The following NETO2 variants were observed in gnomAD, a reference collection of about 807,000 sequenced individuals.
The protein encoded by NETO2 is neuropilin and tolloid-like protein 2.
A neutral mutation model predicts 62.5 loss-of-function variants in NETO2; 28 were observed. The observed-to-expected ratio is 0.45, with a 90% CI of 0.33 to 0.61. The LOEUF is 0.61. Ranked by LOEUF, NETO2 falls within the 20% of genes least tolerant of loss-of-function variation. The pLI is 0.02. For synonymous variants in NETO2, 214 were observed against 219.1 expected, an observed-to-expected ratio of 0.98 and a Z score of 0.21; for missense variants, 548 against 643.2, an observed-to-expected ratio of 0.85 and a Z score of 1.60.
Position 47,143,670 on chromosome 16 carries a change from C to A in NETO2, c.-58G>T. On this transcript the variant is annotated 5_prime_UTR_variant, in exon 1 of 9. Coordinates refer to ENST00000562435, the MANE Select transcript of NETO2 (RefSeq NM_018092.5). The stretch of plus-strand genomic sequence containing the variant: ...TGAGGTAGCGGCGGCGGTGGCTCGG[C>A]GCTCACGGCTCGGCGCGGCGGCGAC... 2 of 1,217,044 alleles carry A rather than the reference C, an allele frequency of 1.6e-6. No homozygotes were observed. The highest frequency in any genetic ancestry group is 4.1e-5 in the South Asian group (1 of 24,242). 75.4% of individuals were successfully genotyped at this position (1,217,044 alleles called of 1,614,324 possible). A position where few individuals can be genotyped will look rare whatever the true frequency, so the allele number is the denominator to read the frequency against.
At chr16:47,134,521 T>C (rs1964331108) in intron 1 of NETO2, among the ~76,000 whole-genome samples, 1 of 152,206 alleles carries the variant, frequency 6.6e-6, no homozygotes, top group South Asian at 2.1e-4. Context: ...AACCCAACCA[T>C]TTGTGTCAAT....
At chr16:47,103,734 A>G (rs1037904284) in intron 7 of NETO2, among the ~76,000 whole-genome samples, 1 of 152,344 alleles carries the variant, frequency 6.6e-6, no homozygotes, top group East Asian at 1.9e-4. Flanking sequence ...TCAATATACA[A>G]AAGTCCACCA....
At chr16:47,119,574 TTC>T (rs986367926) in intron 6 of NETO2, among the ~76,000 whole-genome samples, 1 of 152,144 alleles carries the variant, frequency 6.6e-6, no homozygotes, top group Non-Finnish European at 1.5e-5. Context: ...TTTTTTTAAT[TTC>T]TGTTTTATGA....
chr16:47,116,907 C>T (rs1235962505), intron 6 of NETO2, among the ~76,000 whole-genome samples: 1 of 152,150 alleles, frequency 6.6e-6, no homozygotes, highest in African/African-American at 2.4e-5. Context: ...TAGAGCTGTT[C>T]CCTGTATTTT....
chr16:47,109,971 A>C (rs1963758138), intron 6 of NETO2, among the ~76,000 whole-genome samples: 1 of 152,232 alleles, frequency 6.6e-6, no homozygotes, highest in Non-Finnish European at 1.5e-5. Flanking sequence ...CTCACAAGGC[A>C]TAACTATCTC....
chr16:47,129,338 T>G lies in NETO2; in HGVS notation c.118A>C (p.Ile40Leu). Residue 40 changes from isoleucine (I) to leucine (L), a missense_variant, in exon 3 of 9, where the codon ATT becomes CTT. Physicochemically the swap from Ile to Leu is conservative, Grantham distance 5. Transcript: ENST00000562435. ...CAAATGCCACACTGGGTTGCAGGAA[T>G]ATGCTTGATTCCAATATTTTGTCCA... ...QDGQNIGIKH[I>L]PATQCGIWVR... 6.2e-7 allele frequency: 1 copy of G among 1,614,010 alleles called. No individual in the cohort carries two copies. Among genetic ancestry groups the G allele is most frequent in the Non-Finnish European group, 8.5e-7 (1 of 1,179,942 alleles).
intron 4 of NETO2, among the ~76,000 whole-genome samples, chr16:47,125,349 GT>G (rs1230159463): frequency 1.3e-3 from 189 of 144,520 alleles, no homozygotes; most frequent in Middle Eastern, 3.6e-3. Context: ...CTAGCTACTA[GT>G]TTTTTTTTTT....
intron 1 of NETO2, among the ~76,000 whole-genome samples, chr16:47,136,455 T>G (rs1045850025): frequency 1.3e-5 from 2 of 152,252 alleles, no homozygotes; most frequent in African/African-American, 4.8e-5. Context: ...TCGCCTATGC[T>G]GGAGTGCAGT....
At position 47,081,712 on chromosome 16, in the gene NETO2, TTACA is replaced by T. The variant is rs1963063672; in HGVS notation, c.*1505_*1508del. 1 of 152,524 alleles carries T rather than the reference TTACA, an allele frequency of 6.6e-6. No individual in the cohort carries two copies. The highest frequency in any genetic ancestry group is 2.1e-4 in the South Asian group (1 of 4,838). 9.4% of individuals were successfully genotyped at this position (152,524 alleles called of 1,614,324 possible). A position where few individuals can be genotyped will look rare whatever the true frequency, so the allele number is the denominator to read the frequency against. The stretch of plus-strand genomic sequence containing the variant: ...CTTTTAAATGGCATGTCTGTATTAC[TTACA>T]ATTTGATAAATGAGTTCCTTTCCAT... On this transcript the variant is annotated 3_prime_UTR_variant, in exon 9 of 9. Transcript: ENST00000562435.
intron 6 of NETO2, among the ~76,000 whole-genome samples, chr16:47,111,826 C>T (rs1963807535): frequency 6.6e-6 from 1 of 152,140 alleles, no homozygotes; most frequent in African/African-American, 2.4e-5. Flanking sequence ...CTCTGCGTTG[C>T]TCTCTCTATC....
rs1220694533 is a variant in NETO2, at chr16:47,123,497, CT to C, written c.482-586del. Among the ~76,000 whole-genome samples the C allele has an allele frequency of 2.0e-5, 3 of 148,080 alleles. No homozygotes were observed. The East Asian group carries it at 5.9e-4, about 29-fold the overall frequency. ...CTTCAGCCTAGGTGACAAAATGAGT[CT>C]TAAAAAAAAAAAGGTTAAAGGGTAA... On this transcript the variant is annotated intron_variant, in intron 4 of 8. Transcript: ENST00000562435.
At chr16:47,130,340 T>A (rs749700373) in intron 2 of NETO2, among the ~76,000 whole-genome samples, 12 of 152,144 alleles carry the variant, frequency 7.9e-5, no homozygotes, top group Non-Finnish European at 1.8e-4. Context: ...CAGTAACTGA[T>A]CCTTGCCCAC....
chr16:47,114,038 G>A (rs1443291353), intron 6 of NETO2, among the ~76,000 whole-genome samples: 3 of 152,092 alleles, frequency 2.0e-5, no homozygotes, highest in Admixed American at 2.0e-4. Flanking sequence ...AGAGACGGCT[G>A]AGTCACACAG....
intron 7 of NETO2, among the ~76,000 whole-genome samples, chr16:47,108,847 A>C (rs1963728029): frequency 6.6e-6 from 1 of 152,236 alleles, no homozygotes; most frequent in Non-Finnish European, 1.5e-5. Context: ...TGAACGGCAC[A>C]TAGGGAATCT....
chr16:47,111,007 T>A (rs1963788547), intron 6 of NETO2, among the ~76,000 whole-genome samples: 1 of 152,228 alleles, frequency 6.6e-6, no homozygotes, highest in Admixed American at 6.5e-5. Flanking sequence ...ATGCGTGTAT[T>A]TTAACAAAGA....
At chr16:47,128,677 A>G (rs1964206120) in intron 3 of NETO2, 104 bp from the exon 4 acceptor site, 3 of 1,260,236 alleles carry the variant, frequency 2.4e-6, no homozygotes, top group Non-Finnish European at 3.3e-6. Flanking sequence ...TAACTGCTTC[A>G]TAGACAAAGG....
chr16:47,098,296 T>C (rs967661845), intron 7 of NETO2, among the ~76,000 whole-genome samples: 2 of 152,062 alleles, frequency 1.3e-5, no homozygotes, highest in African/African-American at 4.8e-5. Flanking sequence ...GTTAGAGGAA[T>C]TGCTAACTAG....
In NETO2 at chr16:47,143,574, CT is replaced by C. The variant is rs1177704709; in HGVS notation, c.34+4del. 8.2e-7 allele frequency: 1 copy of C among 1,223,824 alleles called. No homozygotes were observed. 75.8% of individuals were successfully genotyped at this position (1,223,824 alleles called of 1,614,324 possible). On this transcript the variant is annotated splice_donor_region_variant and intron_variant, in intron 1 of 8. Transcript: ENST00000562435. Reference sequence around the variant, plus strand: ...GCCGTCCGTGGCCCCAGCCCCGGTCCTTACCTTTGAGGACCGAGCAGAGCCG... The same window carrying C: ...GCCGTCCGTGGCCCCAGCCCCGGTCCTACCTTTGAGGACCGAGCAGAGCCG...
rs1282252400 is a variant in NETO2, at chr16:47,104,196, A to ATC, written c.883+5286_883+5287insGA. Among the ~76,000 whole-genome samples, 5 of 152,348 alleles carry ATC rather than the reference A, an allele frequency of 3.3e-5. No individual in the cohort carries two copies. The East Asian group carries it at 9.6e-4, about 29-fold the overall frequency. On this transcript the variant is annotated intron_variant, in intron 7 of 8. Transcript: ENST00000562435. ...CTAAGTCAACAAAGTTGCAGGATGC[A>ATC]AAACCCGCATACACAAATCCGTTGC...
Sources: allele counts gnomAD v4.1 joint callset (sites outside exome capture counted in the v4.1 genomes callset), GRCh38; gene constraint gnomAD v4.1.1; transcripts MANE v1.5; gene names NCBI Gene and HGNC (gene_info 2026-07-23, HGNC 2026-07-21).